Variants in SUSD1 observed in about 807,000 individuals in gnomAD.
SUSD1 encodes the protein sushi domain containing 1, also known as sushi domain-containing protein 1.
SUSD1 carries 65 observed loss-of-function variants against 86.9 expected under a neutral mutation model. That is an observed-to-expected ratio of 0.75 (90% CI 0.61 to 0.92). The LOEUF (loss-of-function observed/expected upper bound fraction) is 0.92, where lower values mean the gene tolerates loss of function less well. Ranked by LOEUF, SUSD1 falls within the 40% of genes least tolerant of loss-of-function variation. The pLI is 0.00. For synonymous variants in SUSD1, 346 were observed against 350.0 expected (o/e 0.99, Z 0.13); for missense variants, 850 against 929.7 (o/e 0.91, Z 1.11).
intron 15 of SUSD1, among the ~76,000 whole-genome samples, chr9:112,048,837 A>C (rs1442873740): frequency 6.6e-6 from 1 of 152,236 alleles, no homozygotes; most frequent in East Asian, 1.9e-4. Flanking sequence ...GGAAGTCGTC[A>C]AGTAATTATA....
At position 112,122,044 on chromosome 9, in the gene SUSD1, T is replaced by C. The variant is rs1022389831; in HGVS notation, c.886+2213A>G. Reference sequence around the variant, plus strand: ...CTTATTCGATTCCTTTTCAACACTCTCTGAGGTAAGAAAAACAGACTTTAT... The same window carrying C: ...CTTATTCGATTCCTTTTCAACACTCCCTGAGGTAAGAAAAACAGACTTTAT... On this transcript the variant is annotated intron_variant, in intron 6 of 16. Transcript: ENST00000374270. 8.3e-4 allele frequency among the ~76,000 whole-genome samples: 127 copies of C among 152,354 alleles called. 1 individual carries two copies. The highest frequency in any genetic ancestry group is 2.8e-3 in the African/African-American group (118 of 41,586).
intron 1 of SUSD1, among the ~76,000 whole-genome samples, chr9:112,170,813 G>A (rs1589762106): frequency 2.0e-5 from 3 of 151,858 alleles, no homozygotes; most frequent in East Asian, 3.9e-4. Flanking sequence ...AGGTTCAAGC[G>A]GCTCTCCTGC....
At chr9:112,069,147 A>T (rs1046184719) in intron 12 of SUSD1, among the ~76,000 whole-genome samples, 3 of 99,052 alleles carry the variant, frequency 3.0e-5, no homozygotes, top group African/African-American at 7.8e-5. Context: ...GATGGGGGCC[A>T]AGGGCGGACC....
intron 11 of SUSD1, among the ~76,000 whole-genome samples, chr9:112,079,525 C>A (rs1419092066): frequency 6.6e-6 from 1 of 152,244 alleles, no homozygotes; most frequent in East Asian, 1.9e-4. Flanking sequence ...CCTTAACCAC[C>A]CTGACACTTC....
chr9:112,047,094 T>C (rs1827988629), intron 15 of SUSD1, among the ~76,000 whole-genome samples: 2 of 152,260 alleles, frequency 1.3e-5, no homozygotes, highest in Middle Eastern at 3.4e-3. Context: ...AGAGGTTTAA[T>C]TGACTCACAG....
chr9:112,149,240 G>C lies in SUSD1; in HGVS notation c.373+4C>G. 6.2e-7 allele frequency: 1 copy of C among 1,614,052 alleles called. No individual in the cohort carries two copies. Among genetic ancestry groups the C allele is most frequent in the Non-Finnish European group, 8.5e-7 (1 of 1,179,982 alleles). ...GTCAACACCGCAGCCCCCTTCTTGAGTACCTGTACAAAAGGTGCCATCGTT... is the reference window on the plus strand; with the variant it reads ...GTCAACACCGCAGCCCCCTTCTTGACTACCTGTACAAAAGGTGCCATCGTT... On this transcript the variant is annotated splice_donor_region_variant and intron_variant, in intron 3 of 16. Coordinates refer to ENST00000374270, the MANE Select transcript of SUSD1 (RefSeq NM_022486.5).
intron 13 of SUSD1, among the ~76,000 whole-genome samples, chr9:112,060,252 G>A (rs1315875842): frequency 1.3e-5 from 2 of 151,902 alleles, no homozygotes; most frequent in African/African-American, 4.8e-5. Context: ...TCAGGGCCCT[G>A]ATTTTCTTTC....
At chr9:112,108,774 C>CAAAAAAAAAAAAAAAAAAAAA (rs11312103) in intron 8 of SUSD1, among the ~76,000 whole-genome samples, 13 of 68,568 alleles carry the variant, frequency 1.9e-4, no homozygotes, top group African/African-American at 2.9e-4. Context: ...CTGGGTGTCT[C>CAAAAAAAAAAAAAAAAAAAAA]AAAAAAAAAA....
At chr9:112,041,762 C>T in intron 16 of SUSD1, 105 bp downstream of exon 16, 2 of 1,126,700 alleles carry the variant, frequency 1.8e-6, no homozygotes, top group Non-Finnish European at 2.6e-6. Context: ...GGACAACCTC[C>T]ACCCACACTC....
At chr9:112,080,278 AT>A in intron 10 of SUSD1, 113 bp from the exon 11 acceptor site, 1 of 686,820 alleles carries the variant, frequency 1.5e-6, no homozygotes, top group Non-Finnish European at 2.6e-6. Flanking sequence ...CAGTATTTTA[AT>A]TTAGAAATTA....
chr9:112,042,668 A>C (rs1337393168), intron 15 of SUSD1, among the ~76,000 whole-genome samples: 1 of 152,224 alleles, frequency 6.6e-6, no homozygotes, highest in Non-Finnish European at 1.5e-5. Context: ...ATTTGCAAAC[A>C]CTTACTTAGC....
intron 13 of SUSD1, among the ~76,000 whole-genome samples, chr9:112,059,416 G>A (rs1227834973): frequency 6.6e-6 from 1 of 152,228 alleles, no homozygotes; most frequent in African/African-American, 2.4e-5. Context: ...GAGACCGAGT[G>A]CCTACCACAG....
chr9:112,173,230 A>T (rs975777359), intron 1 of SUSD1, among the ~76,000 whole-genome samples: 4 of 152,190 alleles, frequency 2.6e-5, no homozygotes, highest in Non-Finnish European at 5.9e-5. Flanking sequence ...CCAGAAGATC[A>T]AGCCATTGAA....
At chr9:112,143,685 G>C in intron 3 of SUSD1, 62 bp from the exon 4 acceptor site, 1 of 1,504,850 alleles carries the variant, frequency 6.6e-7, no homozygotes, top group Non-Finnish European at 8.9e-7. Flanking sequence ...AAAAAAAGGA[G>C]AGGATATTGT....
chr9:112,096,473 G>A (rs1405350824), intron 10 of SUSD1, among the ~76,000 whole-genome samples: 1 of 152,110 alleles, frequency 6.6e-6, no homozygotes, highest in Non-Finnish European at 1.5e-5. Flanking sequence ...AAAGATGTAG[G>A]ATAGAAAAAA....
At chr9:112,041,831 T>C (rs769193986) in intron 16 of SUSD1, 36 bp downstream of exon 16, 3 of 1,591,202 alleles carry the variant, frequency 1.9e-6, no homozygotes, top group Non-Finnish European at 2.6e-6. Context: ...CTCCCCTCCA[T>C]TCCAGTCATT....
chr9:112,107,953 T>C (rs1321723098), intron 8 of SUSD1, among the ~76,000 whole-genome samples: 2 of 152,192 alleles, frequency 1.3e-5, no homozygotes, highest in East Asian at 3.8e-4. Flanking sequence ...GCAAACACTC[T>C]ACCTTATTAT....
intron 15 of SUSD1, among the ~76,000 whole-genome samples, chr9:112,051,791 C>T (rs1227312874): frequency 6.6e-6 from 1 of 152,092 alleles, no homozygotes; most frequent in African/African-American, 2.4e-5. Flanking sequence ...ATTGGCTTTT[C>T]GGCATCTTTT....
chr9:112,101,770 C>G (rs1467290654), intron 9 of SUSD1, among the ~76,000 whole-genome samples: 1 of 152,102 alleles, frequency 6.6e-6, no homozygotes, highest in Non-Finnish European at 1.5e-5. Flanking sequence ...CGCTTGAACC[C>G]CGGAGGCAGA....
Sources: allele counts gnomAD v4.1 joint callset (sites outside exome capture counted in the v4.1 genomes callset), GRCh38; gene constraint gnomAD v4.1.1; transcripts MANE v1.5; gene names NCBI Gene and HGNC (gene_info 2026-07-23, HGNC 2026-07-21).